DEF8: variants seen among roughly 807,000 people sequenced by gnomAD.
DEF8 encodes DEF-8.
DEF8 carries 38 observed loss-of-function variants against 59.1 expected under a neutral mutation model. The observed-to-expected ratio is 0.64, with a 90% CI of 0.50 to 0.84. The LOEUF (loss-of-function observed/expected upper bound fraction) is 0.84. Among genes scored for constraint, DEF8 ranks in the 40% least tolerant of loss-of-function variants. The probability of loss-of-function intolerance (pLI) is 0.00; values close to 1 mark genes in which losing one functional copy is unlikely to be tolerated. For missense variants in DEF8, 557 were observed against 615.2 expected (o/e 0.91, Z 1.00); for synonymous variants, 265 against 250.1 (o/e 1.06, Z -0.56).
chr16:89,948,796 G>A lies in DEF8; in HGVS notation c.-126G>A. The A allele has an allele frequency of 1.0e-6, 1 of 983,360 alleles. No homozygotes were observed. The highest frequency in any genetic ancestry group is 1.8e-5 in the African/African-American group (1 of 56,430). The allele number at this position is 983,360 out of a possible 1,614,324, so 60.9% of individuals were successfully genotyped here. A position where few individuals can be genotyped will look rare whatever the true frequency, so the allele number is the denominator to read the frequency against. On this transcript the variant is annotated 5_prime_UTR_variant, in exon 1 of 13. Transcript: ENST00000563594. Reference sequence around the variant, plus strand: ...GCGGATCCAGCGCAGCCGGGAGACAGATGCGAGGCGGCGGTCAGGTGAGCG... The same window carrying A: ...GCGGATCCAGCGCAGCCGGGAGACAAATGCGAGGCGGCGGTCAGGTGAGCG...
chr16:89,952,857 A>T (rs572491338), intron 2 of DEF8, among the ~76,000 whole-genome samples: 1 of 152,160 alleles, frequency 6.6e-6, no homozygotes. Flanking sequence ...GACAGGCCCC[A>T]TAGGTGGTGT....
intron 2 of DEF8, chr16:89,952,773 A>G (rs1225310158): frequency 1.3e-5 from 2 of 152,358 alleles, no homozygotes; most frequent in East Asian, 1.9e-4. Context: ...CAGCCTGTCC[A>G]TGGGTGCTTT....
At chr16:89,949,777 C>T (rs2031639213) in intron 2 of DEF8, 1 of 850,524 alleles carries the variant, frequency 1.2e-6, no homozygotes, top group Non-Finnish European at 1.8e-6. Context: ...AGAGGAGGGG[C>T]AGGGGGTGGC....
In DEF8 at chr16:89,961,016, C is replaced by T. The variant is rs910131098; in HGVS notation, c.600C>T (p.Tyr200=). 15 of 1,614,048 alleles carry T rather than the reference C, an allele frequency of 9.3e-6. No individual in the cohort carries two copies. Among genetic ancestry groups the T allele is most frequent in the South Asian group, 2.2e-5 (2 of 91,096 alleles). Residue 200 remains tyrosine, a synonymous_variant, in exon 7 of 13, where the codon TAC becomes TAT. Transcript: ENST00000563594. ...VSSKVSHQAE[Y]ELNICPETGL... ...CCAAAGTCAGCCACCAAGCTGAATA[C>T]GAACTGAACATCTGCCCTGAGACAG... is the stretch of plus-strand genomic sequence containing the variant.
At chr16:89,964,409 GC>G in intron 11 of DEF8, 56 bp from the exon 12 acceptor site, 1 of 1,552,552 alleles carries the variant, frequency 6.4e-7, no homozygotes. Flanking sequence ...GCCTCAGAGT[GC>G]CCAGAGGAGC....
In DEF8 at chr16:89,966,068, C is replaced by G. The variant is rs976636857; in HGVS notation, c.*105C>G. ...GAGACCCCTGGGGTGCGGCCCTGGC[C>G]CCCTCCACCCCTGCTGGGCCAGAGC... is the stretch of plus-strand genomic sequence containing the variant. On this transcript the variant is annotated 3_prime_UTR_variant, in exon 13 of 13. Coordinates refer to ENST00000563594, the MANE Select transcript of DEF8 (RefSeq NM_001242818.2). The G allele has an allele frequency of 2.5e-6, 2 of 804,844 alleles. No homozygotes were observed. The highest frequency in any genetic ancestry group is 3.9e-6 in the Non-Finnish European group (2 of 508,538). The allele number at this position is 804,844 out of a possible 1,614,324, so 49.9% of individuals were successfully genotyped here. A position where few individuals can be genotyped will look rare whatever the true frequency, so the allele number is the denominator to read the frequency against.
chr16:89,955,413 C>G (rs895564023), intron 4 of DEF8, 147 bp downstream of exon 4: 1 of 662,510 alleles, frequency 1.5e-6, no homozygotes, highest in African/African-American at 1.8e-5. Context: ...GGCTCAGCAG[C>G]CCCCACCTCA....
chr16:89,959,084 G>C lies in DEF8; in HGVS notation c.443G>C (p.Ser148Thr). 1 of 1,613,930 alleles carries C rather than the reference G, an allele frequency of 6.2e-7. No individual in the cohort carries two copies. The highest frequency in any genetic ancestry group is 8.5e-7 in the Non-Finnish European group (1 of 1,180,034). Residue 148 changes from serine to threonine, a missense_variant, in exon 6 of 13, where the codon AGC (serine) becomes ACC (threonine). By Grantham distance (58) the Ser-to-Thr change is moderately conservative (BLOSUM62 1). Coordinates refer to ENST00000563594, the MANE Select transcript of DEF8 (RefSeq NM_001242818.2). ...EHRFYKEKSK[S>T]VKQTCDKCNT... Reference sequence around the variant, plus strand: ...CGCTTTTACAAGGAGAAGAGCAAGAGCGTCAAGCAGACCTGTGACAAGTGT... The same window carrying C: ...CGCTTTTACAAGGAGAAGAGCAAGACCGTCAAGCAGACCTGTGACAAGTGT...
At chr16:89,961,258 T>G (rs955223761) in intron 7 of DEF8, among the ~76,000 whole-genome samples, 163 bp downstream of exon 7, 1 of 152,164 alleles carries the variant, frequency 6.6e-6, no homozygotes, top group Non-Finnish European at 1.5e-5. Flanking sequence ...CTGCCATTGT[T>G]TCATTTCTCA....
chr16:89,959,192 G>C (rs776158438), intron 6 of DEF8, 37 bp downstream of exon 6: 14 of 1,613,364 alleles, frequency 8.7e-6, no homozygotes, highest in Non-Finnish European at 1.1e-5. Flanking sequence ...AGGAATGAGA[G>C]AGACCAAAGT....
chr16:89,961,889 C>A, intron 8 of DEF8, 25 bp downstream of exon 8: 9 of 1,595,822 alleles, frequency 5.6e-6, no homozygotes, highest in Non-Finnish European at 7.7e-6. Flanking sequence ...GTGGGGGCAT[C>A]CCCCTGGGGA....
intron 2 of DEF8, among the ~76,000 whole-genome samples, chr16:89,950,832 A>G (rs2031901672): frequency 6.6e-6 from 1 of 152,132 alleles, no homozygotes; most frequent in Admixed American, 6.5e-5. Context: ...GTTAAAAAAA[A>G]TTAGCTGAGT....
intron 12 of DEF8, among the ~76,000 whole-genome samples, 171 bp downstream of exon 12, chr16:89,964,746 G>T (rs964749036): frequency 1.6e-4 from 25 of 152,134 alleles, no homozygotes; most frequent in African/African-American, 6.0e-4. Context: ...TATGAAGTCA[G>T]ACCCTGATGT....
chr16:89,955,313 AG>A (rs2032974116), intron 4 of DEF8, 47 bp downstream of exon 4: 1 of 1,527,050 alleles, frequency 6.5e-7, no homozygotes, highest in African/African-American at 1.4e-5. Context: ...GGAACCCCCA[AG>A]GCAGGAAGGG....
At chr16:89,951,709 C>G (rs2032125658) in intron 2 of DEF8, among the ~76,000 whole-genome samples, 1 of 152,182 alleles carries the variant, frequency 6.6e-6, no homozygotes, top group African/African-American at 2.4e-5. Context: ...GCTATTCCAG[C>G]TGCAGCCTTT....
chr16:89,959,569 A>G (rs2033744653), intron 6 of DEF8, among the ~76,000 whole-genome samples: 1 of 152,236 alleles, frequency 6.6e-6, no homozygotes, highest in South Asian at 2.1e-4. Flanking sequence ...ATCTCAGCTC[A>G]CTGCAAGCTC....
chr16:89,958,765 C>T (rs968988223), intron 5 of DEF8, among the ~76,000 whole-genome samples: 2 of 152,186 alleles, frequency 1.3e-5, no homozygotes, highest in Non-Finnish European at 2.9e-5. Flanking sequence ...CCCACACAGC[C>T]CCTCGCTGCA....
chr16:89,954,488 G>T lies in DEF8; in HGVS notation c.124+112G>T. 8.8e-7 allele frequency: 1 copy of T among 1,141,272 alleles called. No homozygotes were observed. The highest frequency in any genetic ancestry group is 1.6e-5 in the African/African-American group (1 of 64,396). The allele number at this position is 1,141,272 out of a possible 1,614,324, so 70.7% of individuals were successfully genotyped here. ...GCAGCCCTGGCTTTCCCACGGAGCCGGCACCTGCTGGCTGTGTTCTTTTTC... is the reference window on the plus strand; with the variant it reads ...GCAGCCCTGGCTTTCCCACGGAGCCTGCACCTGCTGGCTGTGTTCTTTTTC... On this transcript the variant is annotated intron_variant, in intron 3 of 12. Transcript: ENST00000563594. This position sits in a 1 kb window ranked among gnomAD's most constrained non-coding sequence, Gnocchi z 4.3.
chr16:89,954,149 C>T lies in DEF8; in HGVS notation c.-10-94C>T. 6.9e-7 allele frequency: 1 copy of T among 1,444,792 alleles called. No homozygotes were observed. Among genetic ancestry groups the T allele is most frequent in the Non-Finnish European group, 9.5e-7 (1 of 1,058,134 alleles). The allele number at this position is 1,444,792 out of a possible 1,614,324, so 89.5% of individuals were successfully genotyped here. A position where few individuals can be genotyped will look rare whatever the true frequency, so the allele number is the denominator to read the frequency against. On this transcript the variant is annotated intron_variant, in intron 2 of 12. Coordinates refer to ENST00000563594, the MANE Select transcript of DEF8 (RefSeq NM_001242818.2). The surrounding 1 kb of genome is among the most constrained non-coding windows in gnomAD (Gnocchi z 4.3). Reference sequence around the variant, plus strand: ...CTTTAGGGAAGTGAAAGAGGCCAGCCTCACCCCAGACACCCCAGTGTGGTT... The same window carrying T: ...CTTTAGGGAAGTGAAAGAGGCCAGCTTCACCCCAGACACCCCAGTGTGGTT...
Sources: allele counts gnomAD v4.1 joint callset (sites outside exome capture counted in the v4.1 genomes callset), GRCh38; gene constraint gnomAD v4.1.1; non-coding constraint Gnocchi (gnomAD v3.1); transcripts MANE v1.5; gene names NCBI Gene and HGNC (gene_info 2026-07-23, HGNC 2026-07-21).